RYR2: variants seen among roughly 807,000 people sequenced by gnomAD.
RYR2 encodes the protein ryanodine receptor 2, also known as cardiac muscle ryanodine receptor-calcium release channel.
Under a neutral mutation model 601.1 loss-of-function variants are expected in RYR2, and 227 were observed. The observed-to-expected ratio is 0.38, with a 90% CI of 0.34 to 0.42. The LOEUF (loss-of-function observed/expected upper bound fraction) is 0.42, where lower values mean the gene tolerates loss of function less well. RYR2 is among the 10% of genes least tolerant of loss of function. The probability of loss-of-function intolerance (pLI) is 1.00; values close to 1 mark genes in which losing one functional copy is unlikely to be tolerated. For synonymous variants in RYR2, 2,223 were observed against 2,175.1 expected, an observed-to-expected ratio of 1.02 and a Z score of -0.61; for missense variants, 4,646 against 6,156.5, an observed-to-expected ratio of 0.75 and a Z score of 8.21.
chr1:237,616,353 T>C (rs1359073154), intron 37 of RYR2, among the ~76,000 whole-genome samples: 2 of 152,332 alleles, frequency 1.3e-5, no homozygotes, highest in South Asian at 4.1e-4. Context: ...TTATAAATCC[T>C]TTTGGTTTTC....
chr1:237,150,844 C>A lies in RYR2; in HGVS notation c.48+108275C>A, dbSNP rs561046274. On this transcript the variant is annotated intron_variant, in intron 1 of 104. Coordinates refer to ENST00000366574, the MANE Select transcript of RYR2 (RefSeq NM_001035.3). Reference sequence around the variant, plus strand: ...TTTGGTTTCAAAAGCTTTAATTTTGCTTTTGATTTTCAGGGGTCTACTTAA... The same window carrying A: ...TTTGGTTTCAAAAGCTTTAATTTTGATTTTGATTTTCAGGGGTCTACTTAA... 1.6e-4 allele frequency among the ~76,000 whole-genome samples: 25 copies of A among 152,164 alleles called. No individual in the cohort carries two copies. The South Asian group carries it at 4.8e-3, about 29-fold the overall frequency.
intron 4 of RYR2, among the ~76,000 whole-genome samples, chr1:237,361,433 C>T (rs184813211): frequency 1.6e-4 from 24 of 152,080 alleles, no homozygotes; most frequent in Admixed American, 1.2e-3. Context: ...GAAAAGATGG[C>T]GAAAAGGCTT....
At chr1:237,126,852 T>C (rs1289503104) in intron 1 of RYR2, among the ~76,000 whole-genome samples, 1 of 151,902 alleles carries the variant, frequency 6.6e-6, no homozygotes, top group Admixed American at 6.6e-5. Flanking sequence ...GGCAGGGTCA[T>C]AGGACAATAG....
At chr1:237,613,093 A>C (rs1450042516) in intron 36 of RYR2, among the ~76,000 whole-genome samples, 1 of 152,236 alleles carries the variant, frequency 6.6e-6, no homozygotes, top group Non-Finnish European at 1.5e-5. Context: ...GATGAGTTTC[A>C]AAATCCAAAT....
At chr1:237,382,524 C>T (rs977839036) in intron 8 of RYR2, among the ~76,000 whole-genome samples, 3 of 118,832 alleles carry the variant, frequency 2.5e-5, no homozygotes, top group East Asian at 6.1e-4. Context: ...TATCCCTCCC[C>T]CCTCCCCCCA....
chr1:237,663,634 C>A (rs751088960), intron 56 of RYR2, among the ~76,000 whole-genome samples: 1 of 152,098 alleles, frequency 6.6e-6, no homozygotes, highest in Admixed American at 6.5e-5. Flanking sequence ...GTATGAGCAT[C>A]GGCTTTGAAA....
rs148175583 is a variant in RYR2, at chr1:237,231,151, G to T, written c.49-39346G>T. ...ATAACTATATCTGTCATTTTCGTGT[G>T]TCTGTTTTTCCCCACTTATTTTTTA... On this transcript the variant is annotated intron_variant, in intron 1 of 104. Coordinates refer to ENST00000366574, the MANE Select transcript of RYR2 (RefSeq NM_001035.3). Among the ~76,000 whole-genome samples, 989 of 152,224 alleles carry T rather than the reference G, an allele frequency of 6.5e-3. 11 individuals carry two copies. The highest frequency in any genetic ancestry group is 0.02 in the African/African-American group (845 of 41,550).
rs150280455 is a variant in RYR2 at position 237,682,961 on chromosome 1, C to T, written c.9017+2384C>T. Among the ~76,000 whole-genome samples, 62 of 152,244 alleles carry T rather than the reference C, an allele frequency of 4.1e-4. 1 individual carries two copies. In the East Asian group the frequency reaches 0.01, roughly 25 times the overall value. On this transcript the variant is annotated intron_variant, in intron 62 of 104. Coordinates refer to ENST00000366574, the MANE Select transcript of RYR2 (RefSeq NM_001035.3). Reference sequence around the variant, plus strand: ...AATAAGGAAATGATAAATGATGGTGCATGTCTGTACAAAATGCTGTGCAGT... The same window carrying T: ...AATAAGGAAATGATAAATGATGGTGTATGTCTGTACAAAATGCTGTGCAGT...
At chr1:237,287,463 T>C (rs964716210) in intron 2 of RYR2, among the ~76,000 whole-genome samples, 1 of 152,238 alleles carries the variant, frequency 6.6e-6, no homozygotes, top group Admixed American at 6.5e-5. Flanking sequence ...GGTTTGGTTG[T>C]TTAACATAAT....
Position 237,791,479 on chromosome 1 carries a change from C to T in RYR2, c.13527C>T (p.Val4509=). The T allele has an allele frequency of 1.3e-6, 2 of 1,574,148 alleles. No individual in the cohort carries two copies. Among genetic ancestry groups the T allele is most frequent in the Non-Finnish European group, 1.7e-6 (2 of 1,155,476 alleles). Residue 4509 remains valine (V), a synonymous_variant, in exon 93 of 105, where the codon GTC becomes GTT. Coordinates refer to ENST00000366574, the MANE Select transcript of RYR2 (RefSeq NM_001035.3). ...FYNMRMLALF[V]AFAINFILLF... is the part of the protein sequence containing the mutation. ...ACATGAGAATGTTAGCCTTATTTGT[C>T]GCATTTGCTATCAATTTCATCTTGC...
intron 29 of RYR2, among the ~76,000 whole-genome samples, chr1:237,588,389 C>A (rs746766920): frequency 4.6e-5 from 7 of 152,156 alleles, no homozygotes; most frequent in African/African-American, 1.7e-4. Context: ...AATGACAGAG[C>A]TAACTACAAT....
chr1:237,464,814 A>G (rs1659887033), intron 16 of RYR2, among the ~76,000 whole-genome samples: 2 of 152,216 alleles, frequency 1.3e-5, no homozygotes. Flanking sequence ...GGTAGTAACT[A>G]TAAACCTTCA....
At chr1:237,320,058 C>A (rs1194903969) in intron 2 of RYR2, among the ~76,000 whole-genome samples, 1 of 152,152 alleles carries the variant, frequency 6.6e-6, no homozygotes, top group African/African-American at 2.4e-5. Context: ...GGAAAGAACA[C>A]CACAGATTTA....
At chr1:237,600,713 T>A (rs1380481539) in intron 34 of RYR2, among the ~76,000 whole-genome samples, 2 of 152,104 alleles carry the variant, frequency 1.3e-5, no homozygotes, top group East Asian at 3.9e-4. Flanking sequence ...TGATAAGGGA[T>A]CAATATCCAG....
At chr1:237,830,373 G>C (rs535298564) in intron 102 of RYR2, 157 bp from the exon 103 acceptor site, 1 of 564,608 alleles carries the variant, frequency 1.8e-6, no homozygotes, top group Admixed American at 2.7e-5. Context: ...TACAGCGACA[G>C]TTCCATTTAT....
At chr1:237,164,905 C>T (rs1676488926) in intron 1 of RYR2, among the ~76,000 whole-genome samples, 1 of 152,050 alleles carries the variant, frequency 6.6e-6, no homozygotes, top group Non-Finnish European at 1.5e-5. Context: ...AATAATCCTA[C>T]CCTGTGTAGG....
intron 5 of RYR2, 108 bp from the exon 6 acceptor site, chr1:237,369,426 C>T (rs1558697957): frequency 5.4e-6 from 5 of 929,000 alleles, no homozygotes; most frequent in Admixed American, 4.0e-5. Flanking sequence ...TTAATACATT[C>T]TTTCCTACTA....
chr1:237,753,637 C>CT (rs201130693), intron 80 of RYR2, among the ~76,000 whole-genome samples: 1,688 of 152,236 alleles, frequency 0.011, 19 homozygotes, highest in Middle Eastern at 0.02. Flanking sequence ...TGGAGCTGCT[C>CT]TTTTTTTCCT....
At chr1:237,678,790 C>T (rs916008651) in intron 61 of RYR2, among the ~76,000 whole-genome samples, 2 of 152,082 alleles carry the variant, frequency 1.3e-5, no homozygotes, top group Non-Finnish European at 2.9e-5. Flanking sequence ...CCAGGGATGG[C>T]CATGAATATA....
Sources: allele counts gnomAD v4.1 joint callset (sites outside exome capture counted in the v4.1 genomes callset), GRCh38; gene constraint gnomAD v4.1.1; transcripts MANE v1.5; gene names NCBI Gene and HGNC (gene_info 2026-07-23, HGNC 2026-07-21).